Variants in TTC39A observed in about 807,000 individuals in gnomAD.
TTC39A encodes the protein tetratricopeptide repeat protein 39A.
Under a neutral mutation model 82.3 loss-of-function variants are expected in TTC39A, and 46 were observed. The observed-to-expected ratio is 0.56, with a 90% confidence interval of 0.44 to 0.71. The LOEUF is 0.71. Among genes scored for constraint, TTC39A ranks in the 30% least tolerant of loss-of-function variants. The pLI is 0.00. For missense variants in TTC39A, 543 were observed against 712.9 expected (o/e 0.76, Z 2.71); for synonymous variants, 254 against 275.2 (o/e 0.92, Z 0.76).
At chr1:51,344,629 A>G (rs1646074918) in intron 1 of TTC39A, among the ~76,000 whole-genome samples, 1 of 152,194 alleles carries the variant, frequency 6.6e-6, no homozygotes. Flanking sequence ...ACCTGAGGAG[A>G]ACCAGGTGAG....
rs1644332527 is a variant in TTC39A at position 51,294,363 on chromosome 1, GCAGCGCCAGTCCAGACCTC to G, written c.1266+9_1266+27del. On this transcript the variant is annotated intron_variant, in intron 14 of 17. Transcript: ENST00000680483. The surrounding 1 kb of genome is among the most constrained non-coding windows in gnomAD (Gnocchi z 4.3). ...ATCCCCACAATCCTATACCCGGAGGGCAGCGCCAGTCCAGACCTCCTACCCACCAGAGCAGGCACTGGCA... is the reference window on the plus strand; with the variant it reads ...ATCCCCACAATCCTATACCCGGAGGGCTACCCACCAGAGCAGGCACTGGCA... 1 of 1,613,634 alleles carries G rather than the reference GCAGCGCCAGTCCAGACCTC, an allele frequency of 6.2e-7. No individual in the cohort carries two copies. Among genetic ancestry groups the G allele is most frequent in the Admixed American group, 1.7e-5 (1 of 59,994 alleles).
intron 8 of TTC39A, among the ~76,000 whole-genome samples, chr1:51,303,748 A>G (rs1644770375): frequency 6.6e-6 from 1 of 151,756 alleles, no homozygotes; most frequent in African/African-American, 2.4e-5. Context: ...CCTGCCTCAA[A>G]CCCTCCATGG....
intron 1 of TTC39A, among the ~76,000 whole-genome samples, chr1:51,323,899 G>A (rs936818855): frequency 6.6e-6 from 1 of 152,104 alleles, no homozygotes; most frequent in African/African-American, 2.4e-5. Context: ...TCTGGTGCCT[G>A]CTGCTCACAG....
At chr1:51,303,228 A>AG (rs1344221481) in intron 8 of TTC39A, 36 bp from the exon 9 acceptor site, 2 of 1,520,820 alleles carry the variant, frequency 1.3e-6, no homozygotes, top group Non-Finnish European at 8.9e-7. Flanking sequence ...GCTCCCAGAG[A>AG]GGGCAGGGGC....
At chr1:51,292,688 C>T (rs1644268371) in intron 14 of TTC39A, among the ~76,000 whole-genome samples, 2 of 152,144 alleles carry the variant, frequency 1.3e-5, no homozygotes, top group Admixed American at 6.5e-5. Context: ...ACCCTGGCCT[C>T]CCAAAGTTCT....
chr1:51,342,537 C>T (rs181927151), intron 1 of TTC39A, among the ~76,000 whole-genome samples: 1 of 152,292 alleles, frequency 6.6e-6, no homozygotes, highest in Admixed American at 6.5e-5. Flanking sequence ...CCCTCCACAT[C>T]CCCATCCCCC....
At chr1:51,296,363 A>G (rs1273803832) in intron 12 of TTC39A, among the ~76,000 whole-genome samples, 193 bp from the exon 13 acceptor site, 1 of 152,244 alleles carries the variant, frequency 6.6e-6, no homozygotes, top group Non-Finnish European at 1.5e-5. Flanking sequence ...CAAAGCAGCC[A>G]CCTTCTTCTC....
intron 13 of TTC39A, 96 bp downstream of exon 13, chr1:51,295,983 C>G: frequency 1.4e-6 from 2 of 1,395,302 alleles, no homozygotes; most frequent in Non-Finnish European, 2.0e-6. Flanking sequence ...TCCTCCCTCC[C>G]CAGTGCCCAC....
chr1:51,327,359 A>G (rs1254276774), intron 1 of TTC39A, among the ~76,000 whole-genome samples: 4 of 152,172 alleles, frequency 2.6e-5, no homozygotes, highest in Non-Finnish European at 5.9e-5. Flanking sequence ...TTTAGAAGTG[A>G]TCTTTCTAAA....
intron 1 of TTC39A, chr1:51,325,893 G>T (rs1051096987): frequency 3.9e-5 from 6 of 152,270 alleles, no homozygotes; most frequent in African/African-American, 1.4e-4. Flanking sequence ...GTGCAGACAG[G>T]CACAGTCCTT....
At chr1:51,333,855 G>C (rs1249583142), upstream of TTC39A, among the ~76,000 whole-genome samples, 1 of 152,068 alleles carries the variant, frequency 6.6e-6, no homozygotes, top group Non-Finnish European at 1.5e-5. Context: ...ACTAATGCGG[G>C]GCCTAGCACT....
At chr1:51,339,455 G>A (rs1285217085) in intron 1 of TTC39A, among the ~76,000 whole-genome samples, 1 of 152,138 alleles carries the variant, frequency 6.6e-6, no homozygotes, top group Non-Finnish European at 1.5e-5. Flanking sequence ...GGGAATCTTG[G>A]GCTAAGAGAA....
chr1:51,299,196 G>C (rs1194489548), intron 12 of TTC39A: 2 of 152,246 alleles, frequency 1.3e-5, no homozygotes, highest in Non-Finnish European at 2.9e-5. Flanking sequence ...CTCTTTCTGG[G>C]GGGGCGACAA....
chr1:51,309,438 G>T (rs775565270), intron 5 of TTC39A, 113 bp from the exon 6 acceptor site: 2 of 1,570,722 alleles, frequency 1.3e-6, no homozygotes, highest in Non-Finnish European at 1.7e-6. Context: ...ACCCTGGGGG[G>T]ATGAGGTCGG....
At chr1:51,314,985 G>C (rs1022782195) in intron 2 of TTC39A, among the ~76,000 whole-genome samples, 7 of 152,140 alleles carry the variant, frequency 4.6e-5, no homozygotes, top group Non-Finnish European at 7.4e-5. Context: ...TCGAGGAGGG[G>C]CTTCCCTGGC....
chr1:51,311,462 G>T, intron 4 of TTC39A, 141 bp from the exon 5 acceptor site: 1 of 699,154 alleles, frequency 1.4e-6, no homozygotes, highest in Non-Finnish European at 2.4e-6. Flanking sequence ...GTCACCCAGT[G>T]CTTCAGAGCA....
chr1:51,291,628 CAAAAAAA>C (rs58825279), intron 14 of TTC39A, among the ~76,000 whole-genome samples: 26 of 49,962 alleles, frequency 5.2e-4, no homozygotes, highest in South Asian at 1.0e-3. Context: ...CCATCTCCAC[CAAAAAAA>C]AAAAAAAAAA....
At chr1:51,319,502 AT>A (rs1367596817) in intron 2 of TTC39A, among the ~76,000 whole-genome samples, 1 of 152,156 alleles carries the variant, frequency 6.6e-6, no homozygotes, top group Non-Finnish European at 1.5e-5. Flanking sequence ...ATTGCCACAC[AT>A]CATGGTAAAA....
At chr1:51,301,473 G>C in intron 12 of TTC39A, 99 bp downstream of exon 12, 1 of 1,417,942 alleles carries the variant, frequency 7.1e-7, no homozygotes, top group Non-Finnish European at 9.5e-7. Flanking sequence ...TTAGATTCCA[G>C]CTGAGACATC....
Sources: allele counts gnomAD v4.1 joint callset (sites outside exome capture counted in the v4.1 genomes callset), GRCh38; gene constraint gnomAD v4.1.1; non-coding constraint Gnocchi (gnomAD v3.1); transcripts MANE v1.5; gene names NCBI Gene and HGNC (gene_info 2026-07-23, HGNC 2026-07-21).